The following NHS variants were observed in gnomAD, a reference collection of about 807,000 sequenced individuals.
The protein encoded by NHS is actin remodeling regulator NHS.
A neutral mutation model predicts 72.5 loss-of-function variants in NHS; 5 were observed. That is an observed-to-expected ratio of 0.07 (90% CI 0.04 to 0.14). The LOEUF is 0.14. NHS is among the 10% of genes least tolerant of loss of function. The pLI, the probability that NHS is intolerant of heterozygous loss-of-function variation, is 1.00. For missense variants in NHS, 1,072 were observed against 1,355.7 expected (o/e 0.79, Z 3.29); for synonymous variants, 464 against 547.7 (o/e 0.85, Z 2.13).
chrX:17,697,765 G>A (rs2066239536), intron 3 of NHS, among the ~76,000 whole-genome samples: 1 of 111,476 alleles, frequency 9.0e-6, no homozygotes, highest in Admixed American at 9.5e-5. Flanking sequence ...AGAGAAGGGA[G>A]AGGTAAAGAA....
chrX:17,584,695 A>C (rs1421029997), intron 1 of NHS, among the ~76,000 whole-genome samples: 1 of 111,790 alleles, frequency 8.9e-6, no homozygotes, highest in Non-Finnish European at 1.9e-5. Flanking sequence ...CAGAAGATGA[A>C]GCATTTTAAG....
intron 1 of NHS, among the ~76,000 whole-genome samples, chrX:17,601,320 G>A (rs1207545811): frequency 8.9e-6 from 1 of 112,140 alleles, no homozygotes; most frequent in East Asian, 2.8e-4. Context: ...TCATGGAGAA[G>A]CAGGAAGGTT....
At chrX:17,537,650 T>A (rs976147692) in intron 1 of NHS, among the ~76,000 whole-genome samples, 2 of 112,241 alleles carry the variant, frequency 1.8e-5, no homozygotes, top group Non-Finnish European at 3.8e-5. Context: ...GGAAATGTGG[T>A]GTCTGGCCTA....
In NHS at chrX:17,633,529, A is replaced by G. The variant is rs911615676; in HGVS notation, c.566-54213A>G. Among the ~76,000 whole-genome samples the G allele has an allele frequency of 6.2e-5, 7 of 112,213 alleles. No homozygotes were observed. The South Asian group carries it at 2.6e-3, about 42-fold the overall frequency. On this transcript the variant is annotated intron_variant, in intron 1 of 8. Coordinates refer to ENST00000676302, the MANE Select transcript of NHS (RefSeq NM_001291867.2). ...AGCACCAAACTCCTTTTATTTTGCC[A>G]TCTCAGCCCAGCTTTCCCCTCAGCC...
intron 1 of NHS, among the ~76,000 whole-genome samples, chrX:17,377,742 TA>T (rs758172005): frequency 8.8e-6 from 1 of 113,444 alleles, no homozygotes; most frequent in East Asian, 2.8e-4. Context: ...GCGTAATGAA[TA>T]AATGATGTGC....
chrX:17,622,644 G>A (rs1034020428), intron 1 of NHS, among the ~76,000 whole-genome samples: 1 of 112,145 alleles, frequency 8.9e-6, no homozygotes, highest in African/African-American at 3.2e-5. Context: ...CCGGGCTGTT[G>A]GGGTACACCC....
chrX:17,400,170 G>A (rs2064496527), intron 1 of NHS, among the ~76,000 whole-genome samples: 1 of 111,773 alleles, frequency 8.9e-6, no homozygotes, highest in Admixed American at 9.5e-5. Context: ...AAATTCTAAG[G>A]AATCCACAAA....
At chrX:17,509,487 A>G (rs897593234) in intron 1 of NHS, among the ~76,000 whole-genome samples, 3 of 112,262 alleles carry the variant, frequency 2.7e-5, no homozygotes, top group Admixed American at 1.9e-4. Flanking sequence ...TTGGTCCCCC[A>G]AAGTGCTGGG....
chrX:17,570,676 G>T (rs956221035), intron 1 of NHS, among the ~76,000 whole-genome samples: 2 of 111,671 alleles, frequency 1.8e-5, no homozygotes, highest in African/African-American at 6.5e-5. Flanking sequence ...TCTCTTGCCT[G>T]ATTGCCCTGG....
At chrX:17,493,540 G>T (rs891251392) in intron 1 of NHS, among the ~76,000 whole-genome samples, 18 of 112,112 alleles carry the variant, frequency 1.6e-4, no homozygotes, top group Admixed American at 9.5e-5. Context: ...ACAGTGCCTG[G>T]CATATAGTAG....
intron 1 of NHS, among the ~76,000 whole-genome samples, chrX:17,606,104 G>A (rs1239508881): frequency 8.9e-6 from 1 of 112,011 alleles, no homozygotes; most frequent in Non-Finnish European, 1.9e-5. Context: ...CTCCCGTGGG[G>A]TATGGGGCTT....
intron 1 of NHS, among the ~76,000 whole-genome samples, chrX:17,540,555 A>G (rs773462926): frequency 2.7e-5 from 3 of 112,207 alleles, no homozygotes; most frequent in Non-Finnish European, 5.6e-5. Context: ...AAAACAGATC[A>G]GGCCAAAACT....
At chrX:17,535,448 G>A (rs1307706526) in intron 1 of NHS, among the ~76,000 whole-genome samples, 1 of 111,661 alleles carries the variant, frequency 9.0e-6, no homozygotes, top group African/African-American at 3.3e-5. Flanking sequence ...GTCAAACACC[G>A]CTAACAGATA....
chrX:17,401,253 A>G (rs1156693807), intron 1 of NHS, among the ~76,000 whole-genome samples: 1 of 112,289 alleles, frequency 8.9e-6, no homozygotes, highest in Non-Finnish European at 1.9e-5. Flanking sequence ...AAGCAGTCAT[A>G]GCTTTAAACT....
intron 1 of NHS, among the ~76,000 whole-genome samples, chrX:17,564,033 C>T (rs1212480051): frequency 8.9e-6 from 1 of 111,883 alleles, no homozygotes; most frequent in Non-Finnish European, 1.9e-5. Context: ...TATACATGCC[C>T]ACTCCCATAC....
At chrX:17,709,038 G>A (rs895926673) in intron 3 of NHS, among the ~76,000 whole-genome samples, 5 of 111,029 alleles carry the variant, frequency 4.5e-5, no homozygotes, top group Admixed American at 2.9e-4. Flanking sequence ...GTAGAGAGAG[G>A]AGCGTTTGAT....
intron 1 of NHS, among the ~76,000 whole-genome samples, chrX:17,405,239 C>T (rs1362610550): frequency 8.9e-6 from 1 of 111,970 alleles, no homozygotes; most frequent in African/African-American, 3.2e-5. Context: ...ACTAAACCCC[C>T]ACTCATATTC....
At chrX:17,532,133 A>C (rs1346610120) in intron 1 of NHS, among the ~76,000 whole-genome samples, 1 of 111,436 alleles carries the variant, frequency 9.0e-6, no homozygotes, top group Non-Finnish European at 1.9e-5. Context: ...ATAGACTCCT[A>C]AAATATGACA....
intron 1 of NHS, among the ~76,000 whole-genome samples, chrX:17,434,805 G>A (rs1311389614): frequency 8.9e-6 from 1 of 111,745 alleles, no homozygotes. Context: ...TGAGGGCCTT[G>A]ATGGCAAGCA....
Sources: allele counts gnomAD v4.1 joint callset (sites outside exome capture counted in the v4.1 genomes callset), GRCh38; gene constraint gnomAD v4.1.1; transcripts MANE v1.5; gene names NCBI Gene and HGNC (gene_info 2026-07-23, HGNC 2026-07-21).